Variants in ROBO1 observed in about 807,000 individuals in gnomAD.
The protein encoded by ROBO1 is roundabout guidance receptor 1, also known as roundabout homolog 1.
Under a neutral mutation model 195.9 loss-of-function variants are expected in ROBO1, and 149 were observed. The ratio of observed to expected loss-of-function variants is 0.76; its 90% confidence interval spans 0.67 to 0.87. The LOEUF (loss-of-function observed/expected upper bound fraction) is 0.87, where lower values mean the gene tolerates loss of function less well. Among genes scored for constraint, ROBO1 ranks in the 40% least tolerant of loss-of-function variants. ROBO1 has a pLI of 0.00. For synonymous variants in ROBO1, 816 were observed against 733.2 expected (o/e 1.11, Z -1.82); for missense variants, 1,933 against 2,068.3 (o/e 0.93, Z 1.27).
chr3:79,500,816 A>G (rs912735833), intron 2 of ROBO1, among the ~76,000 whole-genome samples: 1 of 152,200 alleles, frequency 6.6e-6, no homozygotes, highest in African/African-American at 2.4e-5. Context: ...TATATCATCT[A>G]TTCCAATACC....
chr3:78,710,414 C>T (rs9808950), intron 8 of ROBO1, among the ~76,000 whole-genome samples: 47,287 of 151,954 alleles, frequency 0.31, 8,174 homozygotes, highest in African/African-American at 0.47. Context: ...ACTTCAGATT[C>T]TTCATTTACA....
intron 3 of ROBO1, among the ~76,000 whole-genome samples, chr3:78,945,654 A>C (rs189808191): frequency 6.6e-6 from 1 of 152,322 alleles, no homozygotes; most frequent in Non-Finnish European, 1.5e-5. Flanking sequence ...CAGCAACGGA[A>C]CAAAACTGGA....
At chr3:78,622,736 CA>C (rs1271027191) in intron 26 of ROBO1, among the ~76,000 whole-genome samples, 2 of 152,164 alleles carry the variant, frequency 1.3e-5, no homozygotes, top group African/African-American at 2.4e-5. Context: ...ACTGGCCTGG[CA>C]ACTTCCCCTT....
intron 2 of ROBO1, among the ~76,000 whole-genome samples, chr3:79,397,535 A>G (rs953689230): frequency 2.6e-5 from 4 of 152,146 alleles, no homozygotes; most frequent in African/African-American, 9.7e-5. Context: ...AATCTATTAG[A>G]CAAAAGATCT....
intron 3 of ROBO1, among the ~76,000 whole-genome samples, chr3:79,113,959 T>C (rs72894189): frequency 0.049 from 7,404 of 152,222 alleles, 588 homozygotes; most frequent in African/African-American, 0.17. Context: ...TGTCAAGGGC[T>C]GGGCCAGGTG....
intron 1 of ROBO1, among the ~76,000 whole-genome samples, chr3:79,761,179 A>G (rs973777378): frequency 1.3e-5 from 2 of 148,690 alleles, no homozygotes; most frequent in African/African-American, 2.4e-5. Flanking sequence ...GTATATACTT[A>G]TAGTATTTAT....
chr3:79,215,640 A>C (rs1161840979), intron 2 of ROBO1, among the ~76,000 whole-genome samples: 1 of 152,242 alleles, frequency 6.6e-6, no homozygotes, highest in Non-Finnish European at 1.5e-5. Flanking sequence ...TAAGACATAC[A>C]GTCTCAGTTC....
intron 2 of ROBO1, among the ~76,000 whole-genome samples, chr3:79,408,307 A>G (rs2037632007): frequency 6.6e-6 from 1 of 152,020 alleles, no homozygotes; most frequent in Non-Finnish European, 1.5e-5. Flanking sequence ...ATATAATCTC[A>G]GTACTGAAGG....
chr3:78,649,339 G>A (rs528099065), intron 19 of ROBO1, among the ~76,000 whole-genome samples: 43 of 152,130 alleles, frequency 2.8e-4, no homozygotes, highest in Admixed American at 1.1e-3. Context: ...GCTAGCACAC[G>A]AAATAACAAC....
intron 4 of ROBO1, among the ~76,000 whole-genome samples, chr3:78,870,237 C>T (rs984700553): frequency 1.8e-4 from 28 of 152,166 alleles, no homozygotes; most frequent in African/African-American, 6.8e-4. Flanking sequence ...GGTCCTGACC[C>T]AACCCCGTCC....
intron 4 of ROBO1, among the ~76,000 whole-genome samples, chr3:78,836,123 T>G (rs1275323006): frequency 6.6e-6 from 1 of 152,184 alleles, no homozygotes; most frequent in Non-Finnish European, 1.5e-5. Flanking sequence ...AAATCAATAC[T>G]TAGAAATGCC....
intron 1 of ROBO1, among the ~76,000 whole-genome samples, chr3:79,692,738 A>G (rs1287368696): frequency 1.3e-5 from 2 of 151,850 alleles, no homozygotes; most frequent in African/African-American, 2.4e-5. Flanking sequence ...TTCAAGATAT[A>G]TATTGTATAT....
At chr3:79,362,352 T>C (rs762055808) in intron 2 of ROBO1, among the ~76,000 whole-genome samples, 32 of 152,150 alleles carry the variant, frequency 2.1e-4, no homozygotes, top group South Asian at 4.1e-4. Flanking sequence ...CTCTGTTGTG[T>C]TGTGGGAGAA....
At chr3:79,598,457 A>C (rs1302987653) in intron 1 of ROBO1, among the ~76,000 whole-genome samples, 1 of 152,080 alleles carries the variant, frequency 6.6e-6, no homozygotes, top group Non-Finnish European at 1.5e-5. Context: ...GTGTTTAAAG[A>C]TATTGTTTTA....
chr3:79,567,227 A>G (rs901388406), intron 2 of ROBO1, among the ~76,000 whole-genome samples: 1 of 152,110 alleles, frequency 6.6e-6, no homozygotes, highest in African/African-American at 2.4e-5. Context: ...ACATAGAGGG[A>G]AACAACCCAC....
At chr3:79,682,227 T>C (rs1185950516) in intron 1 of ROBO1, among the ~76,000 whole-genome samples, 1 of 152,042 alleles carries the variant, frequency 6.6e-6, no homozygotes, top group African/African-American at 2.4e-5. Context: ...TCTTATACTC[T>C]AATAATTAGC....
At chr3:79,196,213 G>A (rs947636808) in intron 2 of ROBO1, among the ~76,000 whole-genome samples, 2 of 150,652 alleles carry the variant, frequency 1.3e-5, no homozygotes, top group African/African-American at 4.9e-5. Context: ...AGACTTGGTG[G>A]TTTTCTCAGA....
At chr3:78,784,381 G>A (rs959436426) in intron 4 of ROBO1, among the ~76,000 whole-genome samples, 1 of 152,086 alleles carries the variant, frequency 6.6e-6, no homozygotes, top group Non-Finnish European at 1.5e-5. Flanking sequence ...TAATGAATAA[G>A]AAATTAATAC....
intron 2 of ROBO1, among the ~76,000 whole-genome samples, chr3:79,152,173 AAT>A (rs1329796386): frequency 1.3e-5 from 2 of 151,886 alleles, no homozygotes; most frequent in African/African-American, 4.8e-5. Context: ...ATTATGTAGA[AAT>A]ATGTTACATG....
Sources: allele counts gnomAD v4.1 joint callset (sites outside exome capture counted in the v4.1 genomes callset), GRCh38; gene constraint gnomAD v4.1.1; transcripts MANE v1.5; gene names NCBI Gene and HGNC (gene_info 2026-07-23, HGNC 2026-07-21).